CCDC150: variants seen among roughly 807,000 people sequenced by gnomAD.
The protein encoded by CCDC150 is coiled-coil domain-containing protein 150.
A neutral mutation model predicts 156.5 loss-of-function variants in CCDC150; 151 were observed. That is an observed-to-expected ratio of 0.97 (90% CI 0.85 to 1.10). CCDC150 has a LOEUF of 1.10. Among genes scored for constraint, CCDC150 ranks in the 50% least tolerant of loss-of-function variants. The probability of loss-of-function intolerance (pLI) is 0.00; values close to 1 mark genes in which losing one functional copy is unlikely to be tolerated. For missense variants in CCDC150, 1,312 were observed against 1,268.1 expected, an observed-to-expected ratio of 1.03 and a Z score of -0.53; for synonymous variants, 452 against 429.4, an observed-to-expected ratio of 1.05 and a Z score of -0.65.
rs371971990 is a variant in CCDC150 at position 196,712,705 on chromosome 2, T to C, written c.1832T>C (p.Val611Ala). Residue 611 changes from valine to alanine, a missense_variant, in exon 17 of 28, where the codon GTA becomes GCA. Physicochemically the swap from Val to Ala is moderately conservative, Grantham distance 64. Coordinates refer to ENST00000389175, the MANE Select transcript of CCDC150 (RefSeq NM_001080539.2). ...AACTCAGAACTCAGTGCCAAGAGGG[T>C]ACACCTGCAGCAGGCAGATGCTCAC... Reference protein sequence around the residue: ...QANSELSAKRVHLQQADAHLK... With the variant: ...QANSELSAKRAHLQQADAHLK... The C allele has an allele frequency of 5.9e-5, 95 of 1,610,858 alleles. No individual in the cohort carries two copies. Among genetic ancestry groups the C allele is most frequent in the Non-Finnish European group, 7.6e-5 (90 of 1,178,510 alleles).
At chr2:196,725,892 G>T (rs909827103) in intron 21 of CCDC150, 81 bp from the exon 22 acceptor site, 2 of 1,354,266 alleles carry the variant, frequency 1.5e-6, no homozygotes, top group African/African-American at 2.9e-5. Context: ...CTTTTGGAGA[G>T]TTGCACACTC....
At chr2:196,686,139 C>T in intron 13 of CCDC150, 1 of 244,298 alleles carries the variant, frequency 4.1e-6, no homozygotes, top group Non-Finnish European at 8.3e-6. Context: ...GGCAACTGTC[C>T]TTTAGCTTGC....
intron 13 of CCDC150, among the ~76,000 whole-genome samples, chr2:196,692,335 C>T (rs1043949744): frequency 5.3e-5 from 8 of 150,662 alleles, no homozygotes; most frequent in Non-Finnish European, 1.0e-4. Context: ...GGGGTTTCAC[C>T]TTGTTAGCCA....
chr2:196,657,306 ATAACC>A (rs1195762335), intron 4 of CCDC150, 170 bp downstream of exon 4: 1 of 615,102 alleles, frequency 1.6e-6, no homozygotes, highest in Non-Finnish European at 2.8e-6. Context: ...ATTTGCACTG[ATAACC>A]TAAACCACTG....
chr2:196,704,349 C>G (rs887035418), intron 15 of CCDC150, among the ~76,000 whole-genome samples: 3 of 152,054 alleles, frequency 2.0e-5, no homozygotes, highest in Admixed American at 2.0e-4. Flanking sequence ...GGATAATCGG[C>G]TAGTTCTTAA....
At chr2:196,685,907 C>A (rs4386341) in intron 13 of CCDC150, among the ~76,000 whole-genome samples, 17,772 of 152,136 alleles carry the variant, frequency 0.12, 1,144 homozygotes, top group Middle Eastern at 0.19. Flanking sequence ...AGCCACCGCG[C>A]CCAGCCGGTT....
chr2:196,712,058 C>A, intron 15 of CCDC150, 87 bp from the exon 16 acceptor site: 1 of 432,284 alleles, frequency 2.3e-6, no homozygotes. Flanking sequence ...CTTTTTCCCC[C>A]TTCTGGAGTA....
chr2:196,659,714 A>T (rs1693438692), intron 5 of CCDC150, among the ~76,000 whole-genome samples: 1 of 152,186 alleles, frequency 6.6e-6, no homozygotes. Context: ...CAGAAAAATT[A>T]TGCAGAAAAC....
rs1209833115 is a variant in CCDC150 at position 196,729,305 on chromosome 2, A to G, written c.2669A>G (p.Glu890Gly). Residue 890 changes from glutamate to glycine, a missense_variant, in exon 23 of 28, where the codon GAG (glutamate) becomes GGG (glycine). Transcript: ENST00000389175. ...GAAAAAATACTAGAAAGTAACAAGG[A>G]GAAAATAAAGAATCAAAAGACCCAA... is the stretch of plus-strand genomic sequence containing the variant. The part of the protein sequence containing the change: ...ELEKILESNK[E>G]KIKNQKTQIK... 6.2e-7 allele frequency: 1 copy of G among 1,613,812 alleles called. No individual in the cohort carries two copies. The highest frequency in any genetic ancestry group is 8.5e-7 in the Non-Finnish European group (1 of 1,179,866).
chr2:196,716,914 G>A (rs556610688), intron 17 of CCDC150, among the ~76,000 whole-genome samples: 1 of 138,550 alleles, frequency 7.2e-6, no homozygotes, highest in Non-Finnish European at 1.5e-5. Context: ...GGAGTACAGT[G>A]GCGCCATCTT....
chr2:196,642,509 T>TG (rs1692287560), intron 1 of CCDC150, among the ~76,000 whole-genome samples: 1 of 152,182 alleles, frequency 6.6e-6, no homozygotes, highest in South Asian at 2.1e-4. Flanking sequence ...ATTAATTTAC[T>TG]GGATTGAAAG....
chr2:196,729,315 G>T lies in CCDC150; in HGVS notation c.2679G>T (p.Lys893Asn). The change falls in exon 23 of 28, where the codon AAG becomes AAT. Residue 893 changes from lysine to asparagine, a missense_variant. By Grantham distance (94) the Lys-to-Asn change is moderately conservative. Transcript: ENST00000389175. The part of the protein sequence containing the change: ...KILESNKEKI[K>N]NQKTQIKLHL... ...TAGAAAGTAACAAGGAGAAAATAAA[G>T]AATCAAAAGACCCAAATTAAGCTCC... 1 of 1,613,770 alleles carries T rather than the reference G, an allele frequency of 6.2e-7. No individual in the cohort carries two copies. The highest frequency in any genetic ancestry group is 8.5e-7 in the Non-Finnish European group (1 of 1,179,788).
At chr2:196,718,848 TTC>T (rs1447223587) in intron 18 of CCDC150, among the ~76,000 whole-genome samples, 3 of 152,216 alleles carry the variant, frequency 2.0e-5, no homozygotes, top group South Asian at 4.1e-4. Context: ...TTTTTTAACT[TTC>T]TGTCTTAAAT....
At chr2:196,722,630 G>T (rs1302753782) in intron 21 of CCDC150, among the ~76,000 whole-genome samples, 3 of 152,070 alleles carry the variant, frequency 2.0e-5, no homozygotes, top group Non-Finnish European at 4.4e-5. Flanking sequence ...AGAGGTACAA[G>T]CTAAAGCAGA....
rs373923133 is a variant in CCDC150, at chr2:196,730,048, G to T, written c.2912G>T (p.Arg971Leu). The T allele has an allele frequency of 1.1e-5, 17 of 1,613,776 alleles. No homozygotes were observed. The highest frequency in any genetic ancestry group is 1.4e-5 in the Non-Finnish European group (16 of 1,179,804). Residue 971 changes from arginine to leucine, a missense_variant, in exon 25 of 28, where the codon CGG becomes CTG. Transcript: ENST00000389175. ...AAGAGCCAATATGATGCCTCAGTGC[G>T]GAATAAACAGCAAGAGCTGCACCTA... ...LAKSQYDASV[R>L]NKQQELHLEA...
At chr2:196,659,000 G>C (rs1245640209) in intron 5 of CCDC150, 140 bp downstream of exon 5, 2 of 614,418 alleles carry the variant, frequency 3.3e-6, no homozygotes, top group Non-Finnish European at 5.7e-6. Context: ...ATGCCACATT[G>C]AATTCAAGTG....
chr2:196,699,926 G>T (rs1235485895), intron 14 of CCDC150, among the ~76,000 whole-genome samples: 1 of 152,068 alleles, frequency 6.6e-6, no homozygotes, highest in East Asian at 1.9e-4. Flanking sequence ...AAGCAGGTGT[G>T]GTAGGTTCAC....
intron 13 of CCDC150, among the ~76,000 whole-genome samples, chr2:196,688,388 G>A (rs1294251738): frequency 1.3e-5 from 2 of 152,082 alleles, no homozygotes; most frequent in African/African-American, 4.8e-5. Context: ...TTCATGATTT[G>A]GCTGTCAGCT....
chr2:196,697,220 C>T (rs1695882239), intron 14 of CCDC150, among the ~76,000 whole-genome samples: 1 of 152,192 alleles, frequency 6.6e-6, no homozygotes, highest in South Asian at 2.1e-4. Context: ...TCTGTTTTGC[C>T]AGGCAGTAAG....
Sources: gnomAD v4.1 joint callset for allele counts (sites outside exome capture counted in the v4.1 genomes callset) on GRCh38, gnomAD v4.1.1 for gene constraint, MANE v1.5 for transcripts, NCBI Gene and HGNC (gene_info 2026-07-23, HGNC 2026-07-21) for gene names.